Variants in CLDN10 observed in about 807,000 individuals in gnomAD.
CLDN10 encodes the protein claudin 10.
A neutral mutation model predicts 22.9 loss-of-function variants in CLDN10; 15 were observed. The observed-to-expected ratio is 0.65, with a 90% CI of 0.44 to 1.01. The LOEUF (loss-of-function observed/expected upper bound fraction) is 1.01, where lower values mean the gene tolerates loss of function less well. Ranked by LOEUF, CLDN10 falls within the 50% of genes least tolerant of loss-of-function variation. The pLI, the probability that CLDN10 is intolerant of heterozygous loss-of-function variation, is 0.00. For synonymous variants in CLDN10, 114 were observed against 111.4 expected (o/e 1.02, Z -0.15); for missense variants, 247 against 287.8 (o/e 0.86, Z 1.03).
At chr13:95,521,123 T>C (rs1308006802) in intron 1 of CLDN10, among the ~76,000 whole-genome samples, 2 of 152,228 alleles carry the variant, frequency 1.3e-5, no homozygotes, top group African/African-American at 4.8e-5. Context: ...TCATATAAAA[T>C]TTGTGAGTGA....
chr13:95,471,453 A>ATATATATATATATATTTT (rs776857009), intron 1 of CLDN10, among the ~76,000 whole-genome samples: 2 of 106,410 alleles, frequency 1.9e-5, no homozygotes, highest in Non-Finnish European at 3.6e-5. Flanking sequence ...ATATATATAT[A>ATATATATATATATATTTT]TTTTTTTTTT....
intron 1 of CLDN10, among the ~76,000 whole-genome samples, chr13:95,480,882 C>T (rs964037537): frequency 6.6e-6 from 1 of 152,148 alleles, no homozygotes; most frequent in African/African-American, 2.4e-5. Flanking sequence ...AATATATATA[C>T]ATAACTACAT....
intron 1 of CLDN10, among the ~76,000 whole-genome samples, chr13:95,491,640 C>T (rs1303655757): frequency 1.3e-5 from 2 of 152,098 alleles, no homozygotes; most frequent in Admixed American, 1.3e-4. Flanking sequence ...AGCTTAATAA[C>T]TAACCTCCTG....
intron 1 of CLDN10, among the ~76,000 whole-genome samples, chr13:95,441,024 C>T (rs1266449795): frequency 2.0e-5 from 3 of 152,186 alleles, no homozygotes; most frequent in African/African-American, 7.2e-5. Context: ...GGGGCCAGGA[C>T]CTTATCTCAT....
At chr13:95,443,062 C>A (rs1467870178) in intron 1 of CLDN10, among the ~76,000 whole-genome samples, 1 of 152,216 alleles carries the variant, frequency 6.6e-6, no homozygotes. Context: ...AAGACTGATA[C>A]TCTAAAGTCT....
At chr13:95,571,543 A>G (rs2043861190) in intron 3 of CLDN10, among the ~76,000 whole-genome samples, 1 of 152,190 alleles carries the variant, frequency 6.6e-6, no homozygotes, top group African/African-American at 2.4e-5. Flanking sequence ...TGAGCGTCTC[A>G]TAAGAGAGAC....
intron 1 of CLDN10, among the ~76,000 whole-genome samples, chr13:95,496,228 G>C (rs543155023): frequency 6.6e-6 from 1 of 152,246 alleles, no homozygotes; most frequent in South Asian, 2.1e-4. Context: ...ACACATTCAC[G>C]TCTGACGCAT....
chr13:95,492,561 G>A (rs550620548), intron 1 of CLDN10, among the ~76,000 whole-genome samples: 2 of 152,192 alleles, frequency 1.3e-5, no homozygotes, highest in African/African-American at 4.8e-5. Context: ...AGGGTGAGAT[G>A]GGCTTGAAAA....
chr13:95,551,595 T>C (rs890635361), upstream of CLDN10, among the ~76,000 whole-genome samples: 1 of 152,178 alleles, frequency 6.6e-6, no homozygotes, highest in Admixed American at 6.5e-5. Context: ...TGCCTAAAGA[T>C]AGTGACACAG....
At chr13:95,525,895 G>A (rs910454865) in intron 1 of CLDN10, among the ~76,000 whole-genome samples, 1 of 152,078 alleles carries the variant, frequency 6.6e-6, no homozygotes, top group Admixed American at 6.6e-5. Context: ...TTGTGCGCCT[G>A]TACTTTCCCA....
At chr13:95,506,070 T>A (rs2043035404) in intron 1 of CLDN10, among the ~76,000 whole-genome samples, 1 of 152,124 alleles carries the variant, frequency 6.6e-6, no homozygotes, top group African/African-American at 2.4e-5. Flanking sequence ...AACTAATTAA[T>A]CCTTGATAGG....
chr13:95,560,205 C>G lies in CLDN10; in HGVS notation c.294C>G (p.Leu98=). ...GCTTCTTTGGTTCCATATTTGCGCT[C>G]TTTGGAATGAAGTGTACCAAAGTCG... The part of the protein sequence containing the change: ...SLGFFGSIFA[L]FGMKCTKVGG... Residue 98 remains leucine, a synonymous_variant, in exon 2 of 5, where the codon CTC becomes CTG. Transcript: ENST00000299339. The G allele has an allele frequency of 6.2e-7, 1 of 1,614,162 alleles. No individual in the cohort carries two copies. The highest frequency in any genetic ancestry group is 8.5e-7 in the Non-Finnish European group (1 of 1,180,004).
intron 1 of CLDN10, among the ~76,000 whole-genome samples, chr13:95,439,499 A>G (rs1484780318): frequency 6.6e-6 from 1 of 151,824 alleles, no homozygotes; most frequent in Non-Finnish European, 1.5e-5. Context: ...ACACCCAGCT[A>G]ATTTCTGTAT....
chr13:95,534,755 C>T (rs2043382208), intron 1 of CLDN10, among the ~76,000 whole-genome samples: 1 of 152,142 alleles, frequency 6.6e-6, no homozygotes, highest in Admixed American at 6.5e-5. Flanking sequence ...AATGGCAATA[C>T]ATCTTTGAGC....
At chr13:95,550,323 C>A (rs941308204), upstream of CLDN10, among the ~76,000 whole-genome samples, 1 of 152,076 alleles carries the variant, frequency 6.6e-6, no homozygotes, top group Non-Finnish European at 1.5e-5. Flanking sequence ...AAACAATGTG[C>A]CTTTGGATCC....
At chr13:95,567,150 T>C (rs2043797623) in intron 3 of CLDN10, among the ~76,000 whole-genome samples, 1 of 152,114 alleles carries the variant, frequency 6.6e-6, no homozygotes, top group Non-Finnish European at 1.5e-5. Context: ...TTTTCCAATA[T>C]TGTGAAGAAA....
chr13:95,573,145 T>G (rs1251577507), intron 3 of CLDN10, among the ~76,000 whole-genome samples: 6 of 152,330 alleles, frequency 3.9e-5, no homozygotes, highest in Non-Finnish European at 4.4e-5. Flanking sequence ...GAGAAAATAA[T>G]AAGTGGTTAT....
chr13:95,496,876 C>CA (rs1340272678), intron 1 of CLDN10, among the ~76,000 whole-genome samples: 2 of 152,204 alleles, frequency 1.3e-5, no homozygotes, highest in African/African-American at 4.8e-5. Context: ...ATTGCACCAT[C>CA]TGCTACTGGG....
intron 1 of CLDN10, among the ~76,000 whole-genome samples, chr13:95,437,568 G>A (rs2042284077): frequency 6.6e-6 from 1 of 152,174 alleles, no homozygotes; most frequent in Non-Finnish European, 1.5e-5. Context: ...TTGGGACAGG[G>A]GCTGGATCTG....
Sources: gnomAD v4.1 joint callset for allele counts (sites outside exome capture counted in the v4.1 genomes callset) on GRCh38, gnomAD v4.1.1 for gene constraint, MANE v1.5 for transcripts, NCBI Gene and HGNC (gene_info 2026-07-23, HGNC 2026-07-21) for gene names.